The following SLC25A30 variants were observed in gnomAD, a reference collection of about 807,000 sequenced individuals.
SLC25A30 encodes the protein solute carrier family 25 member 30, also known as kidney mitochondrial carrier protein 1.
In SLC25A30, 29 loss-of-function variants were observed where a neutral mutation model predicts 42.7. The ratio of observed to expected loss-of-function variants is 0.68; its 90% CI spans 0.51 to 0.93. SLC25A30 has a LOEUF of 0.93. Among genes scored for constraint, SLC25A30 ranks in the 40% least tolerant of loss-of-function variants. SLC25A30 has a pLI of 0.00. For synonymous variants in SLC25A30, 124 were observed against 131.0 expected (o/e 0.95, Z 0.37); for missense variants, 300 against 359.7 (o/e 0.83, Z 1.34).
chr13:45,424,149 G>A, the SLC25A30 span, among the ~76,000 whole-genome samples: 370 of 19,498 alleles, frequency 0.019, 4 homozygotes, highest in African/African-American at 0.074. Flanking sequence ...ATAAATATAA[G>A]TATATATATA....
chr13:45,425,768 C>G, the SLC25A30 span, among the ~76,000 whole-genome samples: 1,290 of 145,242 alleles, frequency 8.9e-3, 20 homozygotes, highest in African/African-American at 0.03. Flanking sequence ...ACTCGGCTCA[C>G]TGCCGTCTCC....
chr13:45,404,200 A>G (rs1882278615), intron 5 of SLC25A30, 127 bp downstream of exon 5: 11 of 685,168 alleles, frequency 1.6e-5, no homozygotes, highest in Admixed American at 7.1e-5. Flanking sequence ...GTTAGTCTTC[A>G]TGGCACTTAA....
intron 8 of SLC25A30, chr13:45,398,640 T>C (rs1566200988): frequency 4.6e-6 from 1 of 216,252 alleles, no homozygotes; most frequent in East Asian, 1.1e-4. Flanking sequence ...GATGTCTGAA[T>C]GAGGGATATT....
intron 2 of SLC25A30, among the ~76,000 whole-genome samples, chr13:45,409,678 A>G (rs531086313): frequency 2.6e-5 from 4 of 152,024 alleles, no homozygotes; most frequent in Non-Finnish European, 5.9e-5. Flanking sequence ...GCGTGGTGGC[A>G]GGCACCTGTA....
chr13:45,403,300 T>A (rs1023961008), intron 5 of SLC25A30, among the ~76,000 whole-genome samples: 16 of 152,198 alleles, frequency 1.1e-4, no homozygotes, highest in Non-Finnish European at 1.5e-5. Context: ...GTAATGCTTG[T>A]CAGAATCCCC....
At chr13:45,396,971 C>T in intron 9 of SLC25A30, 1 of 334,630 alleles carries the variant, frequency 3.0e-6, no homozygotes, top group Middle Eastern at 8.9e-4. Context: ...CCTCCTCTCT[C>T]TCTCTCTGAA....
At chr13:45,401,773 A>T (rs530777995) in intron 6 of SLC25A30, among the ~76,000 whole-genome samples, 154 of 152,190 alleles carry the variant, frequency 1.0e-3, no homozygotes, top group Admixed American at 4.1e-3. Context: ...AAAAATCATG[A>T]CATAGGCCAG....
chr13:45,409,132 C>T (rs973547275), intron 2 of SLC25A30, 58 bp from the exon 3 acceptor site: 60 of 1,330,318 alleles, frequency 4.5e-5, no homozygotes, highest in Middle Eastern at 3.8e-4. Flanking sequence ...ATAAAGGATA[C>T]GTAGTGATAT....
chr13:45,417,164 A>C (rs1883605444), intron 1 of SLC25A30, among the ~76,000 whole-genome samples: 1 of 152,136 alleles, frequency 6.6e-6, no homozygotes. Context: ...GACATCCGTC[A>C]CCACGCCCGG....
chr13:45,416,291 C>G (rs1251936105), intron 1 of SLC25A30, among the ~76,000 whole-genome samples: 1 of 151,704 alleles, frequency 6.6e-6, no homozygotes, highest in East Asian at 2.0e-4. Context: ...GCCTGTAATT[C>G]TAGCTATTCG....
Position 45,402,313 on chromosome 13 carries a change from T to A in SLC25A30, c.451A>T (p.Asn151Tyr). 6.2e-7 allele frequency: 1 copy of A among 1,614,142 alleles called. No individual in the cohort carries two copies. The highest frequency in any genetic ancestry group is 8.5e-7 in the Non-Finnish European group (1 of 1,180,002). ...CTTGTCCCCTCTTGCTGGTAAATGT[T>A]CATGAAGTTGCCTATCATTCCTCCT... ...IQGGMIGNFM[N>Y]IYQQEGTRGL... The change falls in exon 6 of 10, where the codon AAC becomes TAC. Residue 151 changes from asparagine to tyrosine, a missense_variant. Physicochemically the swap from Asn to Tyr is moderately radical, Grantham distance 143. Coordinates refer to ENST00000519676, the MANE Select transcript of SLC25A30 (RefSeq NM_001010875.4).
chr13:45,422,296 G>T (rs1883908458), upstream of SLC25A30, among the ~76,000 whole-genome samples: 1 of 152,108 alleles, frequency 6.6e-6, no homozygotes, highest in Non-Finnish European at 1.5e-5. Flanking sequence ...GAATGAAAGG[G>T]CTTAGTCAGA....
At chr13:45,423,183 G>A (rs1883934072), upstream of SLC25A30, among the ~76,000 whole-genome samples, 1 of 151,980 alleles carries the variant, frequency 6.6e-6, no homozygotes, top group African/African-American at 2.4e-5. Flanking sequence ...AGAGTTGGCA[G>A]GAAGACAGAG....
the SLC25A30 span, among the ~76,000 whole-genome samples, chr13:45,425,021 T>TATATAA: frequency 1.3e-5 from 1 of 76,360 alleles, no homozygotes; most frequent in Non-Finnish European, 2.3e-5. Context: ...TAAATATACA[T>TATATAA]ATATAAATAT....
At chr13:45,402,214 G>A (rs11617888) in intron 6 of SLC25A30, 61 bp downstream of exon 6, 191,930 of 1,326,892 alleles carry the variant, frequency 0.14, 16,788 homozygotes, top group African/African-American at 0.39. Flanking sequence ...GATAGAACAA[G>A]TAAATTCAAA....
intron 8 of SLC25A30, 84 bp downstream of exon 8, chr13:45,398,856 T>C: frequency 1.4e-6 from 2 of 1,469,430 alleles, no homozygotes; most frequent in Non-Finnish European, 1.9e-6. Context: ...CATCTTAGTT[T>C]TAGTAGCTTT....
upstream of SLC25A30, among the ~76,000 whole-genome samples, chr13:45,422,730 T>G (rs1883919725): frequency 1.3e-5 from 2 of 152,130 alleles, no homozygotes; most frequent in South Asian, 4.1e-4. Context: ...TGGTTACAGG[T>G]GCTTTGTTGA....
the SLC25A30 span, among the ~76,000 whole-genome samples, chr13:45,426,610 G>T: frequency 6.6e-6 from 1 of 152,032 alleles, no homozygotes; most frequent in East Asian, 1.9e-4. Context: ...GGGTTCATTT[G>T]GTAAAAGGGG....
chr13:45,404,766 C>A (rs544592552), intron 4 of SLC25A30, among the ~76,000 whole-genome samples: 109 of 152,200 alleles, frequency 7.2e-4, no homozygotes, highest in African/African-American at 2.5e-3. Flanking sequence ...TGCAGTGAAC[C>A]AAGACCACGC....
Sources: allele counts gnomAD v4.1 joint callset (sites outside exome capture counted in the v4.1 genomes callset), GRCh38; gene constraint gnomAD v4.1.1; transcripts MANE v1.5; gene names NCBI Gene and HGNC (gene_info 2026-07-23, HGNC 2026-07-21).